The following TCF12 variants were observed in gnomAD, a reference collection of about 807,000 sequenced individuals.
TCF12 encodes DNA-binding protein HTF4.
In TCF12, 45 loss-of-function variants were observed where a neutral mutation model predicts 86.0. The ratio of observed to expected loss-of-function variants is 0.52; its 90% CI spans 0.41 to 0.67. The LOEUF is 0.67. TCF12 is among the 30% of genes least tolerant of loss of function. The pLI is 0.00. For synonymous variants in TCF12, 330 were observed against 299.6 expected, an observed-to-expected ratio of 1.10 and a Z score of -1.05; for missense variants, 881 against 859.9, an observed-to-expected ratio of 1.02 and a Z score of -0.31.
At chr15:56,990,151 C>CTT (rs372235874) in intron 3 of TCF12, among the ~76,000 whole-genome samples, 1,354 of 92,690 alleles carry the variant, frequency 0.015, 104 homozygotes, top group African/African-American at 0.046. Flanking sequence ...ATAGTCTTGT[C>CTT]TTTTTTTTTT....
At chr15:56,978,397 C>A (rs531305199) in intron 3 of TCF12, among the ~76,000 whole-genome samples, 1 of 151,526 alleles carries the variant, frequency 6.6e-6, no homozygotes, top group African/African-American at 2.4e-5. Context: ...TTTATATGAA[C>A]GAGAATGAAG....
At chr15:57,281,185 A>C (rs2061670040) in intron 19 of TCF12, among the ~76,000 whole-genome samples, 1 of 150,934 alleles carries the variant, frequency 6.6e-6, no homozygotes, top group Non-Finnish European at 1.5e-5. Flanking sequence ...CAGCCTTGAC[A>C]ACTCTTGGGC....
At chr15:57,042,301 A>G (rs1283310429) in intron 3 of TCF12, among the ~76,000 whole-genome samples, 3 of 152,172 alleles carry the variant, frequency 2.0e-5, no homozygotes, top group Middle Eastern at 6.3e-3. Flanking sequence ...AAACAAAAGT[A>G]GTAATGTTTC....
At chr15:56,967,446 C>G (rs2062060348) in intron 3 of TCF12, among the ~76,000 whole-genome samples, 1 of 152,096 alleles carries the variant, frequency 6.6e-6, no homozygotes, top group Non-Finnish European at 1.5e-5. Context: ...CTGTGTAGTT[C>G]CTGAAACTCT....
chr15:57,055,239 T>G lies in TCF12; in HGVS notation c.149-8511T>G, dbSNP rs2703581. Among the ~76,000 whole-genome samples, 1,279 of 152,052 alleles carry G rather than the reference T, an allele frequency of 8.4e-3. 27 individuals are homozygous for G. The highest frequency in any genetic ancestry group is 0.029 in the African/African-American group (1,211 of 41,450). ...CAACATAGTGAAACCCTATCTCTAC[T>G]GAAAACACAAAAATTAGCCGAGTGT... On this transcript the variant is annotated intron_variant, in intron 3 of 20. Transcript: ENST00000333725.
intron 8 of TCF12, 104 bp downstream of exon 8, chr15:57,197,929 T>G (rs1157261519): frequency 9.0e-7 from 1 of 1,114,450 alleles, no homozygotes; most frequent in Middle Eastern, 2.0e-4. Flanking sequence ...GTGGGCATAC[T>G]TTACATAGTA....
intron 5 of TCF12, among the ~76,000 whole-genome samples, chr15:57,116,424 C>T (rs1387703513): frequency 6.6e-6 from 1 of 152,138 alleles, no homozygotes. Flanking sequence ...TGGCTCATTG[C>T]AACCTCTGCC....
At chr15:57,268,958 GAAT>G (rs1216263292) in intron 18 of TCF12, among the ~76,000 whole-genome samples, 2 of 151,934 alleles carry the variant, frequency 1.3e-5, no homozygotes, top group Admixed American at 6.6e-5. Flanking sequence ...GTCAATTTTA[GAAT>G]AATAAGTGCA....
chr15:57,053,872 G>C (rs2067805637), intron 3 of TCF12, among the ~76,000 whole-genome samples: 1 of 152,192 alleles, frequency 6.6e-6, no homozygotes, highest in Non-Finnish European at 1.5e-5. Context: ...TTGATGACCT[G>C]AAAGAGTTTA....
intron 18 of TCF12, among the ~76,000 whole-genome samples, chr15:57,264,195 C>CTTTTTTTTTTTTTTTTTTCTTTTTTTTT (rs2060731287): frequency 2.0e-5 from 1 of 50,698 alleles, no homozygotes; most frequent in Non-Finnish European, 3.0e-5. Context: ...CTTTTGTAAG[C>CTTTTTTTTTTTTTTTTTTCTTTTTTTTT]TTTTTTTTTT....
At chr15:56,919,651 A>C (rs568722751) in intron 1 of TCF12, 6 of 329,668 alleles carry the variant, frequency 1.8e-5, no homozygotes, top group Non-Finnish European at 3.4e-5. Flanking sequence ...AGAGGCGGCG[A>C]GTTGCGGGAG....
At chr15:56,926,388 A>C (rs1421061710) in intron 3 of TCF12, among the ~76,000 whole-genome samples, 1 of 152,192 alleles carries the variant, frequency 6.6e-6, no homozygotes, top group Non-Finnish European at 1.5e-5. Flanking sequence ...TCTAACATAG[A>C]AAATGTCAAC....
At position 56,981,615 on chromosome 15, in the gene TCF12, G is replaced by A. The variant is rs997352875; in HGVS notation, c.148+60517G>A. ...ATACAATTGGTCTTTGAACAACATG[G>A]GGGTTAGAGGCTCTGACTCCCCACA... On this transcript the variant is annotated intron_variant, in intron 3 of 20. Coordinates refer to ENST00000333725, the MANE Select transcript of TCF12 (RefSeq NM_207037.2). Among the ~76,000 whole-genome samples, 12 of 152,192 alleles carry A rather than the reference G, an allele frequency of 7.9e-5. No homozygotes were observed. The East Asian group carries it at 2.3e-3, about 29-fold the overall frequency.
chr15:57,234,970 G>T (rs2059320949), intron 12 of TCF12, among the ~76,000 whole-genome samples: 1 of 152,168 alleles, frequency 6.6e-6, no homozygotes, highest in African/African-American at 2.4e-5. Context: ...AGAAGGCAGA[G>T]CACGTTAATA....
At chr15:57,012,930 C>T (rs1002195385) in intron 3 of TCF12, among the ~76,000 whole-genome samples, 3 of 151,976 alleles carry the variant, frequency 2.0e-5, no homozygotes, top group Non-Finnish European at 2.9e-5. Flanking sequence ...TTTCTGTGAT[C>T]GAGAGTAAGA....
intron 3 of TCF12, among the ~76,000 whole-genome samples, chr15:56,970,001 G>T (rs1222130757): frequency 1.3e-5 from 2 of 152,156 alleles, no homozygotes; most frequent in Non-Finnish European, 2.9e-5. Context: ...TAGATGGAAG[G>T]AATCTTAAGC....
At chr15:56,925,515 T>C (rs184475449) in intron 3 of TCF12, among the ~76,000 whole-genome samples, 6 of 152,128 alleles carry the variant, frequency 3.9e-5, no homozygotes. Context: ...ACTTTCAAAT[T>C]TTATACTTAA....
chr15:57,052,737 T>C (rs1596310727), intron 3 of TCF12, among the ~76,000 whole-genome samples: 1 of 152,308 alleles, frequency 6.6e-6, no homozygotes, highest in African/African-American at 2.4e-5. Flanking sequence ...AAATACTTCT[T>C]TAGTGAGCTT....
intron 3 of TCF12, among the ~76,000 whole-genome samples, chr15:56,994,345 AG>A (rs2063594668): frequency 6.6e-6 from 1 of 152,184 alleles, no homozygotes; most frequent in African/African-American, 2.4e-5. Flanking sequence ...ATGAAGAACC[AG>A]GAAGATTTCA....
Sources: gnomAD v4.1 joint callset for allele counts (sites outside exome capture counted in the v4.1 genomes callset) on GRCh38, gnomAD v4.1.1 for gene constraint, MANE v1.5 for transcripts, NCBI Gene and HGNC (gene_info 2026-07-23, HGNC 2026-07-21) for gene names.